The following RPA3 variants were observed in gnomAD, a reference collection of about 807,000 sequenced individuals.
The protein encoded by RPA3 is replication protein A 14 kDa subunit.
In RPA3, 24 loss-of-function variants were observed where a neutral mutation model predicts 13.7. The ratio of observed to expected loss-of-function variants is 1.75; its 90% CI spans 1.27 to 2.46. The LOEUF (loss-of-function observed/expected upper bound fraction) is 2.46. Among genes scored for constraint, RPA3 ranks in the 30% most tolerant of loss-of-function variants. The pLI is 0.00. For missense variants in RPA3, 183 were observed against 151.0 expected, an observed-to-expected ratio of 1.21 and a Z score of -1.11; for synonymous variants, 59 against 51.2, an observed-to-expected ratio of 1.15 and a Z score of -0.65.
At chr7:7,672,571 A>T (rs1779633503) in intron 4 of RPA3, among the ~76,000 whole-genome samples, 1 of 152,118 alleles carries the variant, frequency 6.6e-6, no homozygotes, top group Non-Finnish European at 1.5e-5. Context: ...TAATTAAATC[A>T]TGGGAGCCAT....
At chr7:7,689,240 C>A (rs971989222) in intron 2 of RPA3, 1 of 152,180 alleles carries the variant, frequency 6.6e-6, no homozygotes, top group Non-Finnish European at 1.5e-5. Flanking sequence ...TGGGCAGATA[C>A]AGACAGAAGA....
At chr7:7,692,206 CTGG>C in intron 2 of RPA3, 1 of 152,320 alleles carries the variant, frequency 6.6e-6, no homozygotes, top group Non-Finnish European at 1.5e-5. Context: ...AGAGAAGGGA[CTGG>C]TGGTGGTGGT....
At chr7:7,687,054 A>C (rs145028204) in intron 3 of RPA3, among the ~76,000 whole-genome samples, 174 bp downstream of exon 3, 13 of 152,250 alleles carry the variant, frequency 8.5e-5, no homozygotes, top group African/African-American at 2.6e-4. Flanking sequence ...TTTCCTTTGA[A>C]CTTCCTTTAT....
At chr7:7,673,176 C>T (rs994259296) in intron 4 of RPA3, 1 of 696,888 alleles carries the variant, frequency 1.4e-6, no homozygotes, top group South Asian at 1.6e-5. Flanking sequence ...AGAGAAGGCT[C>T]ATGGTTTTAC....
At chr7:7,638,854 T>C (rs1283516917) in intron 6 of RPA3, 1 of 391,882 alleles carries the variant, frequency 2.6e-6, no homozygotes, top group Admixed American at 4.4e-5. Flanking sequence ...TTATGGGATA[T>C]GTTCAAAAAT....
At chr7:7,670,838 A>G (rs1026815809) in intron 4 of RPA3, among the ~76,000 whole-genome samples, 7 of 152,204 alleles carry the variant, frequency 4.6e-5, no homozygotes, top group African/African-American at 1.7e-4. Context: ...AGTTGTAGCA[A>G]TTCTGCAATT....
intron 4 of RPA3, 85 bp from the exon 5 acceptor site, chr7:7,641,260 C>G (rs766224938): frequency 2.6e-5 from 4 of 152,190 alleles, no homozygotes; most frequent in African/African-American, 9.7e-5. Context: ...GGTTCTTTCA[C>G]CCCGCTAACC....
At chr7:7,716,063 A>AT (rs888017312) in intron 1 of RPA3, among the ~76,000 whole-genome samples, 24 of 152,070 alleles carry the variant, frequency 1.6e-4, no homozygotes, top group Non-Finnish European at 4.4e-5. Context: ...TACAGTTAAA[A>AT]TTTTTTTTGA....
At chr7:7,696,448 G>T (rs1563131417) in intron 2 of RPA3, among the ~76,000 whole-genome samples, 1 of 152,088 alleles carries the variant, frequency 6.6e-6, no homozygotes, top group Admixed American at 6.6e-5. Context: ...CCTGAGCTTA[G>T]CCACTGGAAC....
chr7:7,639,044 AG>A, intron 6 of RPA3, 25 bp downstream of exon 6: 1 of 1,550,358 alleles, frequency 6.5e-7, no homozygotes, highest in East Asian at 2.3e-5. Flanking sequence ...ATAATATATA[AG>A]AGACTTATTA....
intron 2 of RPA3, among the ~76,000 whole-genome samples, chr7:7,698,789 A>G (rs915285067): frequency 4.0e-5 from 6 of 151,876 alleles, no homozygotes; most frequent in South Asian, 2.1e-4. Flanking sequence ...AGATGAATTC[A>G]TCTCAAAGTG....
intron 2 of RPA3, among the ~76,000 whole-genome samples, chr7:7,688,660 A>G (rs1043256030): frequency 6.6e-6 from 1 of 152,122 alleles, no homozygotes; most frequent in African/African-American, 2.4e-5. Context: ...ATCACATGGT[A>G]TTTTGTAGCA....
chr7:7,662,448 G>T (rs559979465), intron 4 of RPA3, among the ~76,000 whole-genome samples: 1 of 152,326 alleles, frequency 6.6e-6, no homozygotes, highest in South Asian at 2.1e-4. Flanking sequence ...GGTGGCATAG[G>T]CACCGGCGGG....
At chr7:7,660,597 A>G (rs1207441807) in intron 4 of RPA3, among the ~76,000 whole-genome samples, 2 of 152,038 alleles carry the variant, frequency 1.3e-5, no homozygotes, top group Non-Finnish European at 2.9e-5. Context: ...CTGTGTTGAA[A>G]CTTCTTTTCT....
At chr7:7,642,008 T>C (rs1048316461) in intron 4 of RPA3, among the ~76,000 whole-genome samples, 5 of 152,204 alleles carry the variant, frequency 3.3e-5, no homozygotes, top group Admixed American at 6.5e-5. Context: ...AAAAAAGTTG[T>C]GGTTGTATTG....
At chr7:7,673,884 AG>A (rs1388875446) in intron 4 of RPA3, among the ~76,000 whole-genome samples, 1 of 152,220 alleles carries the variant, frequency 6.6e-6, no homozygotes, top group Admixed American at 6.5e-5. Context: ...TATGTTAAAT[AG>A]TGTTTCCTGT....
chr7:7,691,737 A>G (rs1453262968), intron 2 of RPA3, among the ~76,000 whole-genome samples: 1 of 152,176 alleles, frequency 6.6e-6, no homozygotes, highest in East Asian at 1.9e-4. Flanking sequence ...ACAAATCCCT[A>G]ATTTATTCTA....
intron 4 of RPA3, among the ~76,000 whole-genome samples, chr7:7,672,459 AT>A (rs971631162): frequency 1.3e-5 from 2 of 152,200 alleles, no homozygotes; most frequent in African/African-American, 4.8e-5. Flanking sequence ...GTTGGCTGCA[AT>A]TTTATAATGG....
chr7:7,687,508 T>TATA (rs892769564), intron 2 of RPA3, among the ~76,000 whole-genome samples, 180 bp from the exon 3 acceptor site: 3 of 152,346 alleles, frequency 2.0e-5, no homozygotes, highest in Admixed American at 6.5e-5. Flanking sequence ...CAGGGCCACA[T>TATA]ATAGGCCTTC....
Sources: gnomAD v4.1 joint callset for allele counts (sites outside exome capture counted in the v4.1 genomes callset) on GRCh38, gnomAD v4.1.1 for gene constraint, MANE v1.5 for transcripts, NCBI Gene and HGNC (gene_info 2026-07-23, HGNC 2026-07-21) for gene names.